Variants in EYS observed in about 807,000 individuals in gnomAD.
EYS encodes the protein protein eyes shut homolog.
EYS carries 250 observed loss-of-function variants against 282.1 expected under a neutral mutation model. The ratio of observed to expected loss-of-function variants is 0.89; its 90% confidence interval spans 0.80 to 0.98. The LOEUF (loss-of-function observed/expected upper bound fraction) is 0.98, where lower values mean the gene tolerates loss of function less well. Among genes scored for constraint, EYS ranks in the 50% least tolerant of loss-of-function variants. The pLI is 0.00. For missense variants in EYS, 4,016 were observed against 3,709.0 expected, an observed-to-expected ratio of 1.08 and a Z score of -2.15; for synonymous variants, 1,355 against 1,282.9, an observed-to-expected ratio of 1.06 and a Z score of -1.20.
At chr6:63,725,855 A>G (rs914191033) in intron 42 of EYS, among the ~76,000 whole-genome samples, 32 of 152,172 alleles carry the variant, frequency 2.1e-4, no homozygotes, top group African/African-American at 2.7e-4. Flanking sequence ...TTTCTGAGAG[A>G]CAAGATCAAA....
intron 8 of EYS, among the ~76,000 whole-genome samples, chr6:65,375,847 C>A (rs578189701): frequency 6.6e-6 from 1 of 151,794 alleles, no homozygotes; most frequent in Non-Finnish European, 1.5e-5. Flanking sequence ...TGAAAAAGAA[C>A]GAACAAAGCC....
At chr6:64,306,391 T>C (rs1291921109) in intron 30 of EYS, among the ~76,000 whole-genome samples, 12 of 152,186 alleles carry the variant, frequency 7.9e-5, no homozygotes, top group African/African-American at 2.9e-4. Context: ...GTCATTTTAA[T>C]TGTCTGAGTT....
chr6:64,221,133 A>G (rs1766087749), intron 31 of EYS, among the ~76,000 whole-genome samples: 1 of 152,162 alleles, frequency 6.6e-6, no homozygotes, highest in Non-Finnish European at 1.5e-5. Flanking sequence ...GTATGTACCA[A>G]TTGTACAATG....
At chr6:64,011,286 G>C (rs1005662313) in intron 33 of EYS, among the ~76,000 whole-genome samples, 1 of 151,918 alleles carries the variant, frequency 6.6e-6, no homozygotes, top group Admixed American at 6.6e-5. Context: ...ATCTTGACCC[G>C]AAATCCCCCA....
intron 26 of EYS, among the ~76,000 whole-genome samples, chr6:64,457,791 T>C (rs1364350300): frequency 2.3e-5 from 3 of 128,048 alleles, no homozygotes; most frequent in East Asian, 5.0e-4. Flanking sequence ...GGGTCATTTT[T>C]TTTCCCCCCC....
At chr6:64,814,738 C>T (rs1764698421) in intron 21 of EYS, among the ~76,000 whole-genome samples, 1 of 151,882 alleles carries the variant, frequency 6.6e-6, no homozygotes, top group Non-Finnish European at 1.5e-5. Flanking sequence ...TGTTTATTTT[C>T]AAGAGTTTTA....
At chr6:65,534,436 G>T (rs1001691861) in intron 2 of EYS, among the ~76,000 whole-genome samples, 11 of 152,114 alleles carry the variant, frequency 7.2e-5, no homozygotes, top group Non-Finnish European at 4.4e-5. Context: ...CAAAAGGGGT[G>T]ACTATGAGCC....
At chr6:64,184,894 A>G (rs1209302583) in intron 31 of EYS, among the ~76,000 whole-genome samples, 4 of 135,468 alleles carry the variant, frequency 3.0e-5, no homozygotes, top group South Asian at 2.4e-4. Flanking sequence ...CTATGGTCTG[A>G]ATGTTTTTTT....
intron 26 of EYS, among the ~76,000 whole-genome samples, chr6:64,530,629 TA>T (rs916077879): frequency 6.6e-6 from 1 of 152,132 alleles, no homozygotes; most frequent in Non-Finnish European, 1.5e-5. Flanking sequence ...ATAAAAATAT[TA>T]ACTAATGACT....
intron 2 of EYS, among the ~76,000 whole-genome samples, chr6:65,609,073 CAT>C (rs1354381407): frequency 1.2e-4 from 18 of 151,954 alleles, no homozygotes; most frequent in Non-Finnish European, 1.9e-4. Flanking sequence ...AAATCAATAA[CAT>C]AATCTTTTAT....
intron 31 of EYS, among the ~76,000 whole-genome samples, chr6:64,190,449 G>A (rs539674551): frequency 6.6e-6 from 1 of 152,278 alleles, no homozygotes; most frequent in Admixed American, 6.5e-5. Flanking sequence ...GGGAGACTGT[G>A]AAGTGTCAGA....
At position 65,317,441 on chromosome 6, in the gene EYS, T is replaced by C. The variant is rs541186579; in HGVS notation, c.1766+17539A>G. ...TAAATACTGTTTTTCATTTGTAGTT[T>C]TGGTATGATTTTTGTTTTCCTATTG... is the stretch of plus-strand genomic sequence containing the variant. On this transcript the variant is annotated intron_variant, in intron 11 of 42. Coordinates refer to ENST00000503581, the MANE Select transcript of EYS (RefSeq NM_001142800.2). Among the ~76,000 whole-genome samples, 6 of 152,360 alleles carry C rather than the reference T, an allele frequency of 3.9e-5. No homozygotes were observed. In the South Asian group the frequency reaches 1.2e-3, roughly 32 times the overall value.
chr6:64,696,099 T>C (rs1770570865), intron 22 of EYS, among the ~76,000 whole-genome samples: 1 of 151,952 alleles, frequency 6.6e-6, no homozygotes, highest in African/African-American at 2.4e-5. Context: ...TGAAAACCCA[T>C]ACAAAGAAAT....
intron 1 of EYS, among the ~76,000 whole-genome samples, chr6:65,689,637 A>G (rs1336210464): frequency 6.6e-6 from 1 of 150,432 alleles, no homozygotes; most frequent in Non-Finnish European, 1.5e-5. Context: ...TAATAACATA[A>G]GTATTTTACT....
chr6:64,894,073 C>T (rs1767375995), intron 18 of EYS, among the ~76,000 whole-genome samples: 1 of 152,010 alleles, frequency 6.6e-6, no homozygotes, highest in Non-Finnish European at 1.5e-5. Context: ...CTTATTTTTT[C>T]AGTCAATCAT....
intron 12 of EYS, among the ~76,000 whole-genome samples, chr6:65,239,428 T>G (rs1767003574): frequency 6.6e-6 from 1 of 152,104 alleles, no homozygotes; most frequent in African/African-American, 2.4e-5. Flanking sequence ...ATATAAAAAT[T>G]ATCTGAAAGT....
rs146217122 is a variant in EYS, at chr6:64,314,455, G to A, written c.6079-7373C>T. Reference sequence around the variant, plus strand: ...TAGTGGGAGACTTTAACACGCCACTGTCAATATTAGATGAATGAGACAGAA... The same window carrying A: ...TAGTGGGAGACTTTAACACGCCACTATCAATATTAGATGAATGAGACAGAA... On this transcript the variant is annotated intron_variant, in intron 29 of 42. Transcript: ENST00000503581. Among the ~76,000 whole-genome samples, 1,303 of 152,124 alleles carry A rather than the reference G, an allele frequency of 8.6e-3. 25 individuals are homozygous for A. Among genetic ancestry groups the A allele is most frequent in the African/African-American group, 0.029 (1,193 of 41,488 alleles).
intron 1 of EYS, among the ~76,000 whole-genome samples, chr6:65,705,811 C>T (rs191686825): frequency 6.6e-6 from 1 of 151,832 alleles, no homozygotes; most frequent in African/African-American, 2.4e-5. Context: ...CATTTTTAGG[C>T]CAATTAAAAC....
intron 26 of EYS, among the ~76,000 whole-genome samples, chr6:64,482,095 G>A (rs1262761746): frequency 1.3e-5 from 2 of 151,674 alleles, no homozygotes; most frequent in Non-Finnish European, 1.5e-5. Context: ...CTCAATCAGT[G>A]ACTGCTAGAA....
Sources: allele counts gnomAD v4.1 joint callset (sites outside exome capture counted in the v4.1 genomes callset), GRCh38; gene constraint gnomAD v4.1.1; transcripts MANE v1.5; gene names NCBI Gene and HGNC (gene_info 2026-07-23, HGNC 2026-07-21).